Variants in FGF12 observed in about 807,000 individuals in gnomAD.
The protein encoded by FGF12 is fibroblast growth factor 12B.
In FGF12, 14 loss-of-function variants were observed where a neutral mutation model predicts 23.6. That is an observed-to-expected ratio of 0.59 (90% CI 0.39 to 0.93). FGF12 has a LOEUF of 0.93. Ranked by LOEUF, FGF12 falls within the 40% of genes least tolerant of loss-of-function variation. The pLI, the probability that FGF12 is intolerant of heterozygous loss-of-function variation, is 0.00. For missense variants in FGF12, 175 were observed against 217.8 expected, an observed-to-expected ratio of 0.80 and a Z score of 1.24; for synonymous variants, 62 against 77.3, an observed-to-expected ratio of 0.80 and a Z score of 1.04.
At chr3:192,599,020 C>G (rs1049682389) in intron 2 of FGF12, among the ~76,000 whole-genome samples, 3 of 151,994 alleles carry the variant, frequency 2.0e-5, no homozygotes, top group Non-Finnish European at 4.4e-5. Flanking sequence ...GAACAGAAAA[C>G]CAAACACCAC....
At chr3:192,564,863 G>A (rs928360830) in intron 2 of FGF12, among the ~76,000 whole-genome samples, 3 of 152,228 alleles carry the variant, frequency 2.0e-5, no homozygotes, top group Admixed American at 2.0e-4. Context: ...CCTTAAGAAT[G>A]TAAGCTCTTG....
chr3:192,573,242 TA>T (rs35240510), intron 2 of FGF12, among the ~76,000 whole-genome samples: 74,222 of 148,056 alleles, frequency 0.5, 20,166 homozygotes, highest in Non-Finnish European at 0.61. Context: ...TTGTGGAGCT[TA>T]AAAAAAAAAA....
chr3:192,700,089 G>A (rs1173067124), intron 2 of FGF12, among the ~76,000 whole-genome samples: 1 of 152,106 alleles, frequency 6.6e-6, no homozygotes, highest in African/African-American at 2.4e-5. Flanking sequence ...GATGCCTGAG[G>A]GTGGTAATTA....
intron 2 of FGF12, among the ~76,000 whole-genome samples, chr3:192,566,010 C>T (rs1289183085): frequency 6.6e-6 from 1 of 152,126 alleles, no homozygotes; most frequent in Non-Finnish European, 1.5e-5. Context: ...CACCTGAATC[C>T]GGGAAGCAGA....
intron 4 of FGF12, among the ~76,000 whole-genome samples, chr3:192,268,497 GAT>G: frequency 6.6e-6 from 1 of 152,308 alleles, no homozygotes; most frequent in East Asian, 1.9e-4. Context: ...CCTGGTGGGA[GAT>G]GTTTGAATCA....
chr3:192,619,297 A>G (rs186788566), intron 2 of FGF12, among the ~76,000 whole-genome samples: 71 of 152,258 alleles, frequency 4.7e-4, no homozygotes, highest in African/African-American at 1.5e-3. Flanking sequence ...GCCTCAAAGA[A>G]GGAGCAAGCA....
chr3:192,271,744 GT>G (rs1276028599), intron 4 of FGF12, among the ~76,000 whole-genome samples: 1 of 152,126 alleles, frequency 6.6e-6, no homozygotes, highest in Non-Finnish European at 1.5e-5. Context: ...ACATCTGAAT[GT>G]TTTATAAACA....
At chr3:192,203,914 T>G (rs952603625) in intron 4 of FGF12, among the ~76,000 whole-genome samples, 4 of 152,120 alleles carry the variant, frequency 2.6e-5, no homozygotes, top group Non-Finnish European at 5.9e-5. Flanking sequence ...ATTTACTTTC[T>G]TTACTATGAT....
chr3:192,617,370 G>A (rs1343588899), intron 2 of FGF12, among the ~76,000 whole-genome samples: 2 of 151,994 alleles, frequency 1.3e-5, no homozygotes, highest in Non-Finnish European at 2.9e-5. Flanking sequence ...AAAGCTCCAC[G>A]GAGAGAGTGG....
intron 2 of FGF12, among the ~76,000 whole-genome samples, chr3:192,589,762 C>T (rs1713545393): frequency 1.3e-5 from 2 of 151,882 alleles, no homozygotes; most frequent in African/African-American, 4.8e-5. Flanking sequence ...CTCCTTTAGT[C>T]CCTCACTTTA....
intron 2 of FGF12, among the ~76,000 whole-genome samples, chr3:192,699,753 A>G (rs1014192459): frequency 1.3e-5 from 2 of 152,190 alleles, no homozygotes; most frequent in African/African-American, 4.8e-5. Context: ...AGTATTCAGA[A>G]GTAGTGCAGA....
chr3:192,249,902 C>T (rs185265054), intron 4 of FGF12, among the ~76,000 whole-genome samples: 92 of 152,240 alleles, frequency 6.0e-4, no homozygotes, highest in Admixed American at 1.6e-3. Context: ...ATCAAAAAAA[C>T]GTTGAATGGC....
chr3:192,464,722 T>C (rs1015291163), intron 2 of FGF12, among the ~76,000 whole-genome samples: 3 of 152,160 alleles, frequency 2.0e-5, no homozygotes, highest in Non-Finnish European at 2.9e-5. Flanking sequence ...AAGTTTCCTT[T>C]GGGAGAAGGG....
chr3:192,161,258 A>G (rs1714855737), intron 5 of FGF12, among the ~76,000 whole-genome samples: 1 of 152,110 alleles, frequency 6.6e-6, no homozygotes, highest in South Asian at 2.1e-4. Context: ...TTAAAAATTC[A>G]GGAGATGGGG....
chr3:192,594,562 C>A (rs1210622601), intron 2 of FGF12, among the ~76,000 whole-genome samples: 2 of 151,732 alleles, frequency 1.3e-5, no homozygotes, highest in Non-Finnish European at 2.9e-5. Context: ...AAACGTAATC[C>A]CCAAATTCAT....
chr3:192,239,755 A>G (rs1175245300), intron 4 of FGF12, among the ~76,000 whole-genome samples: 1 of 152,260 alleles, frequency 6.6e-6, no homozygotes, highest in East Asian at 1.9e-4. Flanking sequence ...TCTGGAAACC[A>G]TCTCCAACCC....
chr3:192,318,544 T>C (rs993268500), intron 4 of FGF12, among the ~76,000 whole-genome samples: 8 of 151,646 alleles, frequency 5.3e-5, no homozygotes, highest in African/African-American at 1.7e-4. Flanking sequence ...GAGAAGACAA[T>C]AGAAAAAAGA....
chr3:192,489,877 G>A (rs1342633618), intron 2 of FGF12, among the ~76,000 whole-genome samples: 1 of 151,894 alleles, frequency 6.6e-6, no homozygotes, highest in Non-Finnish European at 1.5e-5. Context: ...TAACTAATGG[G>A]TAACAGGCTT....
intron 2 of FGF12, among the ~76,000 whole-genome samples, chr3:192,468,964 T>C (rs990201664): frequency 6.6e-6 from 1 of 152,224 alleles, no homozygotes; most frequent in Non-Finnish European, 1.5e-5. Flanking sequence ...TATACCAGTA[T>C]AGATTCACGG....
Sources: gnomAD v4.1 joint callset for allele counts (sites outside exome capture counted in the v4.1 genomes callset) on GRCh38, gnomAD v4.1.1 for gene constraint, MANE v1.5 for transcripts, NCBI Gene and HGNC (gene_info 2026-07-23, HGNC 2026-07-21) for gene names.